The following DPH6 variants were observed in gnomAD, a reference collection of about 807,000 sequenced individuals.
DPH6 encodes the protein diphthamine biosynthesis 6.
DPH6 carries 33 observed loss-of-function variants against 38.2 expected under a neutral mutation model. The ratio of observed to expected loss-of-function variants is 0.86; its 90% CI spans 0.65 to 1.15. DPH6 has a LOEUF of 1.15. DPH6 is among the 50% of genes most tolerant of loss of function. The pLI, the probability that DPH6 is intolerant of heterozygous loss-of-function variation, is 0.00. For synonymous variants in DPH6, 108 were observed against 103.0 expected (o/e 1.05, Z -0.30); for missense variants, 325 against 320.0 (o/e 1.02, Z -0.12).
In DPH6 at chr15:35,546,095, G is replaced by A. The variant is rs758653845; in HGVS notation, c.23+24C>T. ...GACGAGAGCCTGGCCTAGGAGGAAG[G>A]AGGCGGCTCCAGGACCGCATTACCT... is the stretch of plus-strand genomic sequence containing the variant. On this transcript the variant is annotated intron_variant, in intron 1 of 8. Coordinates refer to ENST00000256538, the MANE Select transcript of DPH6 (RefSeq NM_080650.4). The A allele has an allele frequency of 1.3e-4, 182 of 1,384,352 alleles. 1 individual carries two copies. The highest frequency in any genetic ancestry group is 1.7e-4 in the Non-Finnish European group (177 of 1,053,084). The allele number at this position is 1,384,352 out of a possible 1,614,324, so 85.8% of individuals were successfully genotyped here. A position where few individuals can be genotyped will look rare whatever the true frequency, so the allele number is the denominator to read the frequency against.
At chr15:35,436,006 C>T (rs76224918) in intron 5 of DPH6, among the ~76,000 whole-genome samples, 2,774 of 152,028 alleles carry the variant, frequency 0.018, 88 homozygotes, top group African/African-American at 0.064. Flanking sequence ...CCACCTCCAC[C>T]CCAATGGCTG....
At chr15:35,157,512 GCAGA>G in the DPH6 span, among the ~76,000 whole-genome samples, 1 of 152,066 alleles carries the variant, frequency 6.6e-6, no homozygotes, top group Non-Finnish European at 1.5e-5. Context: ...TAATAAATAA[GCAGA>G]CAAATTTACA....
chr15:35,422,794 T>A (rs1008974509), intron 5 of DPH6, among the ~76,000 whole-genome samples: 1 of 151,952 alleles, frequency 6.6e-6, no homozygotes, highest in Non-Finnish European at 1.5e-5. Context: ...AGATCACACA[T>A]ATAAGTGATA....
chr15:35,488,084 C>G (rs1037487613), intron 3 of DPH6, among the ~76,000 whole-genome samples: 1 of 152,140 alleles, frequency 6.6e-6, no homozygotes. Flanking sequence ...CAGTAAGGTC[C>G]TCATCTCCAC....
intron 3 of DPH6, among the ~76,000 whole-genome samples, chr15:35,285,871 A>ATTTTTTTTTTTTTTTTTTTTT (rs1566859769): frequency 1.7e-3 from 5 of 2,860 alleles, no homozygotes; most frequent in Admixed American, 5.4e-3. Flanking sequence ...TTTATCTTTG[A>ATTTTTTTTTTTTTTTTTTTTT]GTTTTTTTTT....
chr15:35,396,179 G>A (rs2053129370), intron 6 of DPH6: 1 of 152,076 alleles, frequency 6.6e-6, no homozygotes. Context: ...TCCTCCTCCA[G>A]TCTTCAAAAT....
chr15:35,263,922 C>G (rs954735329), intron 3 of DPH6, among the ~76,000 whole-genome samples: 7 of 152,010 alleles, frequency 4.6e-5, no homozygotes, highest in African/African-American at 1.7e-4. Context: ...ACCGTGTTAG[C>G]CAGGATGGTC....
At chr15:35,176,980 T>C in the DPH6 span, among the ~76,000 whole-genome samples, 7 of 152,202 alleles carry the variant, frequency 4.6e-5, no homozygotes, top group African/African-American at 1.7e-4. Context: ...TCTAAAGATG[T>C]TGGTGAAGAC....
intron 5 of DPH6, among the ~76,000 whole-genome samples, chr15:35,422,927 T>C (rs2141016577): frequency 6.6e-6 from 1 of 152,060 alleles, no homozygotes; most frequent in Non-Finnish European, 1.5e-5. Flanking sequence ...CTTCATTGTA[T>C]AAATATACCA....
chr15:35,375,766 T>A (rs1356089281), intron 7 of DPH6, among the ~76,000 whole-genome samples: 1 of 151,890 alleles, frequency 6.6e-6, no homozygotes, highest in Admixed American at 6.6e-5. Flanking sequence ...GGTTTGGGCC[T>A]CTCTTCCTTG....
intron 3 of DPH6, among the ~76,000 whole-genome samples, chr15:35,251,925 G>C (rs1422554910): frequency 6.6e-6 from 1 of 152,200 alleles, no homozygotes; most frequent in Non-Finnish European, 1.5e-5. Flanking sequence ...TATCACCTGA[G>C]GTCAGGGGTT....
intron 1 of DPH6, among the ~76,000 whole-genome samples, chr15:35,542,719 T>C (rs2055272517): frequency 6.6e-6 from 1 of 150,690 alleles, no homozygotes; most frequent in Admixed American, 6.6e-5. Flanking sequence ...TAAGAAACTA[T>C]ATATATATAA....
intron 3 of DPH6, among the ~76,000 whole-genome samples, chr15:35,336,397 C>T (rs1461265690): frequency 6.6e-6 from 1 of 152,090 alleles, no homozygotes; most frequent in Non-Finnish European, 1.5e-5. Flanking sequence ...CTAAACTTCT[C>T]TTTTCACTTC....
At chr15:35,523,425 G>A (rs1265055806) in intron 3 of DPH6, among the ~76,000 whole-genome samples, 1 of 151,690 alleles carries the variant, frequency 6.6e-6, no homozygotes, top group Non-Finnish European at 1.5e-5. Flanking sequence ...GATGTTAACT[G>A]TATGAACATT....
intron 3 of DPH6, among the ~76,000 whole-genome samples, chr15:35,231,677 A>G (rs1020401888): frequency 2.0e-5 from 3 of 152,190 alleles, no homozygotes; most frequent in Admixed American, 1.3e-4. Context: ...TAATTTATGA[A>G]TAAGAGATTT....
chr15:35,410,953 A>G, intron 5 of DPH6, 57 bp from the exon 6 acceptor site: 1 of 1,506,250 alleles, frequency 6.6e-7, no homozygotes, highest in Non-Finnish European at 9.1e-7. Context: ...CTTTAAAGAC[A>G]CATTCCCCTT....
At chr15:35,266,026 A>G (rs1675268437) in intron 3 of DPH6, among the ~76,000 whole-genome samples, 1 of 152,178 alleles carries the variant, frequency 6.6e-6, no homozygotes. Flanking sequence ...TGTCCTTTAC[A>G]AAATGTTCTT....
At chr15:35,519,770 A>G (rs996036301) in intron 3 of DPH6, 1 of 152,406 alleles carries the variant, frequency 6.6e-6, no homozygotes, top group African/African-American at 2.4e-5. Context: ...AGAGGCTGAG[A>G]AAAAGAAAAC....
chr15:35,546,068 G>C, intron 1 of DPH6, 51 bp downstream of exon 1: 1 of 1,323,228 alleles, frequency 7.6e-7, no homozygotes, highest in South Asian at 2.1e-5. Context: ...GCGGCTGGAA[G>C]GGACGAGAGC....
Sources: gnomAD v4.1 joint callset for allele counts (sites outside exome capture counted in the v4.1 genomes callset) on GRCh38, gnomAD v4.1.1 for gene constraint, MANE v1.5 for transcripts, NCBI Gene and HGNC (gene_info 2026-07-23, HGNC 2026-07-21) for gene names.